Variants in CAV2 observed in about 807,000 individuals in gnomAD.
The protein encoded by CAV2 is caveolin 2.
A neutral mutation model predicts 15.5 loss-of-function variants in CAV2; 7 were observed. That is an observed-to-expected ratio of 0.45 (90% CI 0.26 to 0.85). CAV2 has a LOEUF of 0.85. Ranked by LOEUF, CAV2 falls within the 40% of genes least tolerant of loss-of-function variation. The probability of loss-of-function intolerance (pLI) is 0.18; values close to 1 mark genes in which losing one functional copy is unlikely to be tolerated. For missense variants in CAV2, 229 were observed against 208.8 expected (o/e 1.10, Z -0.60); for synonymous variants, 76 against 83.1 (o/e 0.91, Z 0.46).
In CAV2 at chr7:116,499,858, A is replaced by C. The variant is rs370944892; in HGVS notation, c.77A>C (p.Glu26Ala). The C allele has an allele frequency of 1.1e-5, 17 of 1,610,174 alleles. 1 individual carries two copies. The African/African-American group carries it at 2.0e-4, about 19-fold the overall frequency. Residue 26 changes from glutamate to alanine, a missense_variant, in exon 1 of 3, where the codon GAG becomes GCG. By Grantham distance (107) the Glu-to-Ala change is moderately radical. Transcript: ENST00000222693. ...TCCTACAGCCACCACAGCGGCCTCGAGTACGCCGACCCCGAGAAGTTCGCG... is the reference window on the plus strand; with the variant it reads ...TCCTACAGCCACCACAGCGGCCTCGCGTACGCCGACCCCGAGAAGTTCGCG... ...DDSYSHHSGL[E>A]YADPEKFADS... is the part of the protein sequence containing the mutation.
At chr7:116,499,992 C>T (rs908674864) in intron 1 of CAV2, 61 bp downstream of exon 1, 60 of 1,576,098 alleles carry the variant, frequency 3.8e-5, no homozygotes, top group South Asian at 4.7e-5. Flanking sequence ...GGGCGCCCCT[C>T]AGCCCCGCCC....
At position 116,501,927 on chromosome 7, in the gene CAV2, T is replaced by G. The variant is rs11487108; in HGVS notation, c.338+1480T>G. Among the ~76,000 whole-genome samples, 284 of 152,350 alleles carry G rather than the reference T, an allele frequency of 1.9e-3. 2 individuals carry two copies. The highest frequency in any genetic ancestry group is 6.5e-3 in the African/African-American group (269 of 41,588). On this transcript the variant is annotated intron_variant, in intron 2 of 2. Transcript: ENST00000222693. ...GAAGGTCAAATGGATAGTTATATTC[T>G]GACATTTGCACTTGAATTTTTTTTA...
At position 116,508,127 on chromosome 7, in the gene CAV2, A is replaced by G. The variant is rs1356841115; in HGVS notation, c.*2006A>G. ...TTTATTATGTTAGTTTAAAAGGTCA[A>G]TCAGCCTCATGACTTTATAGTTATG... On this transcript the variant is annotated 3_prime_UTR_variant, in exon 3 of 3. Transcript: ENST00000222693. 2.6e-5 allele frequency: 4 copies of G among 152,250 alleles called. No individual in the cohort carries two copies. Among genetic ancestry groups the G allele is most frequent in the East Asian group, 3.8e-4 (2 of 5,204 alleles). 9.4% of individuals were successfully genotyped at this position (152,250 alleles called of 1,614,324 possible).
In CAV2 at chr7:116,499,765, C is replaced by A. The variant is rs1793042481; in HGVS notation, c.-17C>A. ...ACCGCGCCAGCCGGGCTGCAGCGGC[C>A]GCGCACCAAGGCTGCGATGGGGCTG... On this transcript the variant is annotated 5_prime_UTR_variant, in exon 1 of 3. Transcript: ENST00000222693. The A allele has an allele frequency of 1.3e-6, 2 of 1,523,348 alleles. No individual in the cohort carries two copies. The highest frequency in any genetic ancestry group is 1.4e-5 in the African/African-American group (1 of 69,838). 94.4% of individuals were successfully genotyped at this position (1,523,348 alleles called of 1,614,324 possible). A position where few individuals can be genotyped will look rare whatever the true frequency, so the allele number is the denominator to read the frequency against.
At chr7:116,500,233 C>A in intron 1 of CAV2, 27 bp from the exon 2 acceptor site, 2 of 1,605,094 alleles carry the variant, frequency 1.2e-6, no homozygotes, top group South Asian at 1.1e-5. Context: ...GCTGACAGTT[C>A]GGGGTCCCTG....
chr7:116,503,126 T>C (rs1793141269), intron 2 of CAV2, among the ~76,000 whole-genome samples: 1 of 150,686 alleles, frequency 6.6e-6, no homozygotes, highest in Admixed American at 6.6e-5. Flanking sequence ...CAAGGATATA[T>C]ATTATCCAAG....
Position 116,508,283 on chromosome 7 carries a change from A to G in CAV2, c.*2162A>G, listed in dbSNP as rs1162967501. ...CAGCTATTGGCAAGTTTTAAACCCAAAATATATACACATAGTTCTGTAATA... is the reference window on the plus strand; with the variant it reads ...CAGCTATTGGCAAGTTTTAAACCCAGAATATATACACATAGTTCTGTAATA... On this transcript the variant is annotated 3_prime_UTR_variant, in exon 3 of 3. Transcript: ENST00000222693. 6.6e-6 allele frequency: 1 copy of G among 152,214 alleles called. No homozygotes were observed. The highest frequency in any genetic ancestry group is 2.4e-5 in the African/African-American group (1 of 41,462). The allele number at this position is 152,214 out of a possible 1,614,324, so 9.4% of individuals were successfully genotyped here.
chr7:116,502,205 A>T (rs558557796), intron 2 of CAV2, among the ~76,000 whole-genome samples: 2 of 152,338 alleles, frequency 1.3e-5, no homozygotes, highest in Non-Finnish European at 2.9e-5. Context: ...TGGTGGAAAG[A>T]TATAAGTAAA....
At chr7:116,502,397 T>A (rs1216074790) in intron 2 of CAV2, among the ~76,000 whole-genome samples, 1 of 152,174 alleles carries the variant, frequency 6.6e-6, no homozygotes, top group Non-Finnish European at 1.5e-5. Context: ...GGCATTAATA[T>A]TTAACTGTAA....
chr7:116,500,300 A>C lies in CAV2; in HGVS notation c.191A>C (p.His64Pro), dbSNP rs1793068453. Residue 64 changes from histidine to proline, a missense_variant, in exon 2 of 3, where the codon CAC becomes CCC. Coordinates refer to ENST00000222693, the MANE Select transcript of CAV2 (RefSeq NM_001233.5). ...GTGATCGCAGAGCCGGTGACTACGC[A>C]CTCCTTTGACAAAGTGTGGATCTGC... is the stretch of plus-strand genomic sequence containing the variant. ...EDVIAEPVTT[H>P]SFDKVWICSH... The C allele has an allele frequency of 6.2e-7, 1 of 1,613,964 alleles. No homozygotes were observed. The highest frequency in any genetic ancestry group is 8.5e-7 in the Non-Finnish European group (1 of 1,180,010).
Position 116,500,394 on chromosome 7 carries a change from C to T in CAV2, c.285C>T (p.Pro95=), listed in dbSNP as rs137971888. The part of the protein sequence containing the change: ...YKFLTVFLAI[P]LAFIAGILFA... Reference sequence around the variant, plus strand: ...TCCTGACGGTGTTCCTGGCCATTCCCCTGGCCTTCATTGCGGGAATTCTCT... The same window carrying T: ...TCCTGACGGTGTTCCTGGCCATTCCTCTGGCCTTCATTGCGGGAATTCTCT... The change falls in exon 2 of 3, where the codon CCC becomes CCT. Residue 95 remains proline (P), a synonymous_variant. Coordinates refer to ENST00000222693, the MANE Select transcript of CAV2 (RefSeq NM_001233.5). 182 of 1,614,022 alleles carry T rather than the reference C, an allele frequency of 1.1e-4. No individual in the cohort carries two copies. The highest frequency in any genetic ancestry group is 1.5e-4 in the Non-Finnish European group (175 of 1,179,998).
rs1793056953 is a variant in CAV2 at position 116,500,087 on chromosome 7, C to T, written c.150+156C>T. ...CCCGGTCCCACCCGTCACCAGGCCG[C>T]CCGCGTAGCCAGGAATTCTTAGCCA... On this transcript the variant is annotated intron_variant, in intron 1 of 2. Coordinates refer to ENST00000222693, the MANE Select transcript of CAV2 (RefSeq NM_001233.5). 1.6e-5 allele frequency: 23 copies of T among 1,466,956 alleles called. No individual in the cohort carries two copies. In the South Asian group the frequency reaches 3.0e-4, roughly 19 times the overall value. 90.9% of individuals were successfully genotyped at this position (1,466,956 alleles called of 1,614,324 possible).
chr7:116,503,861 G>A (rs1056823340), intron 2 of CAV2, among the ~76,000 whole-genome samples: 2 of 136,224 alleles, frequency 1.5e-5, no homozygotes, highest in African/African-American at 2.8e-5. Flanking sequence ...GAGGAGGGGA[G>A]GGGAGAAGAA....
chr7:116,503,923 A>AGGG lies in CAV2; in HGVS notation c.339-2048_339-2047insGGG, dbSNP rs1563085952. On this transcript the variant is annotated intron_variant, in intron 2 of 2. Coordinates refer to ENST00000222693, the MANE Select transcript of CAV2 (RefSeq NM_001233.5). ...GGAGGGAGGGAGGGAGGAAGGAAGG[A>AGGG]AGGGAGGGAGGGAGGGAGGGAGGAA... 2.2e-3 allele frequency among the ~76,000 whole-genome samples: 119 copies of AGGG among 53,294 alleles called. 4 individuals are homozygous for AGGG. Among genetic ancestry groups the AGGG allele is most frequent in the African/African-American group, 9.7e-3 (113 of 11,596 alleles). 35.0% of individuals were successfully genotyped at this position (53,294 alleles called of 152,430 possible). A position where few individuals can be genotyped will look rare whatever the true frequency, so the allele number is the denominator to read the frequency against.
chr7:116,504,046 GAAAGAGAA>G (rs972619381), intron 2 of CAV2, among the ~76,000 whole-genome samples: 6 of 113,742 alleles, frequency 5.3e-5, no homozygotes, highest in East Asian at 9.5e-4. Context: ...GAAAAAGAAA[GAAAGAGAA>G]AGAAAGAAAG....
intron 1 of CAV2, 80 bp downstream of exon 1, chr7:116,500,011 C>T: frequency 6.5e-7 from 1 of 1,535,246 alleles, no homozygotes; most frequent in Non-Finnish European, 8.7e-7. Flanking sequence ...CCTAACCCGT[C>T]CCACCATTGC....
intron 2 of CAV2, among the ~76,000 whole-genome samples, chr7:116,503,951 C>G (rs1176787064): frequency 0.2 from 18,413 of 90,654 alleles, 1,721 homozygotes; most frequent in Middle Eastern, 0.34. Context: ...GGGAGGAAGA[C>G]AGAAAGAAAA....
At position 116,505,954 on chromosome 7, in the gene CAV2, CTCTT is replaced by C. The variant is rs781455829; in HGVS notation, c.339-16_339-13del. 4 of 1,594,694 alleles carry C rather than the reference CTCTT, an allele frequency of 2.5e-6. No homozygotes were observed. Among genetic ancestry groups the C allele is most frequent in the South Asian group, 2.2e-5 (2 of 90,124 alleles). ...TAACAGCAACAATCCTCACACATCT[CTCTT>C]CCTTCCTTCCAGGATTTTAATGCCT... On this transcript the variant is annotated splice_polypyrimidine_tract_variant and intron_variant, in intron 2 of 2. Transcript: ENST00000222693.
rs1793244842 is a variant in CAV2 at position 116,506,585 on chromosome 7, G to T, written c.*464G>T. On this transcript the variant is annotated 3_prime_UTR_variant, in exon 3 of 3. Transcript: ENST00000222693. ...CACTGGCATACTGAGAATATACAATGATCCTGGAAATTGCAGTAACAAAAG... is the reference window on the plus strand; with the variant it reads ...CACTGGCATACTGAGAATATACAATTATCCTGGAAATTGCAGTAACAAAAG... 6.5e-6 allele frequency: 1 copy of T among 152,692 alleles called. No individual in the cohort carries two copies. The highest frequency in any genetic ancestry group is 2.1e-4 in the South Asian group (1 of 4,826). 9.5% of individuals were successfully genotyped at this position (152,692 alleles called of 1,614,324 possible).
Sources: allele counts gnomAD v4.1 joint callset (sites outside exome capture counted in the v4.1 genomes callset), GRCh38; gene constraint gnomAD v4.1.1; transcripts MANE v1.5; gene names NCBI Gene and HGNC (gene_info 2026-07-23, HGNC 2026-07-21).